Variants in CANX observed in about 807,000 individuals in gnomAD.
CANX encodes the protein epididymis secretory sperm binding protein.
CANX carries 14 observed loss-of-function variants against 75.7 expected under a neutral mutation model. The ratio of observed to expected loss-of-function variants is 0.19; its 90% CI spans 0.12 to 0.29. The LOEUF (loss-of-function observed/expected upper bound fraction) is 0.29, where lower values mean the gene tolerates loss of function less well. Ranked by LOEUF, CANX falls within the 10% of genes least tolerant of loss-of-function variation. The pLI, the probability that CANX is intolerant of heterozygous loss-of-function variation, is 1.00. For synonymous variants in CANX, 227 were observed against 236.9 expected, an observed-to-expected ratio of 0.96 and a Z score of 0.38; for missense variants, 567 against 713.2, an observed-to-expected ratio of 0.79 and a Z score of 2.34.
At position 179,687,085 on chromosome 5, in the gene CANX, TTTTG is replaced by T. The variant is rs560413183; in HGVS notation, c.-4+8324_-4+8327del. Among the ~76,000 whole-genome samples, 1,140 of 141,438 alleles carry T rather than the reference TTTTG, an allele frequency of 8.1e-3. 15 individuals are homozygous for T. Among genetic ancestry groups the T allele is most frequent in the African/African-American group, 0.027 (1,021 of 37,962 alleles). 92.8% of individuals were successfully genotyped at this position (141,438 alleles called of 152,430 possible). ...AGCCACTGCACCCGGCCTGCAGTTT[TTTTG>T]TTTGTTTGTTTGTTTTTTGAGACAT... On this transcript the variant is annotated intron_variant, in intron 1 of 14. Transcript: ENST00000681674.
chr5:179,685,880 AG>A (rs777789649), intron 1 of CANX, among the ~76,000 whole-genome samples: 2 of 151,078 alleles, frequency 1.3e-5, no homozygotes, highest in Non-Finnish European at 3.0e-5. Context: ...TAGTAGAGAC[AG>A]GGTTTCACCA....
intron 1 of CANX, among the ~76,000 whole-genome samples, chr5:179,684,877 C>T (rs1776156796): frequency 6.7e-6 from 1 of 149,804 alleles, no homozygotes; most frequent in Non-Finnish European, 1.5e-5. Flanking sequence ...CTGCCTCAGC[C>T]TCCTAAGTGG....
intron 1 of CANX, among the ~76,000 whole-genome samples, chr5:179,703,180 T>C (rs959662639): frequency 2.6e-5 from 4 of 151,998 alleles, no homozygotes; most frequent in African/African-American, 9.7e-5. Flanking sequence ...CCCAATGTGC[T>C]GGGATTATTG....
At chr5:179,715,830 T>G in intron 7 of CANX, 1 of 448,730 alleles carries the variant, frequency 2.2e-6, no homozygotes, top group South Asian at 2.0e-5. Flanking sequence ...TTTTGTTTTT[T>G]TTTTTTAGTG....
chr5:179,680,935 G>A, intron 1 of CANX: 1 of 1,535,432 alleles, frequency 6.5e-7, no homozygotes, highest in Non-Finnish European at 8.7e-7. Context: ...CCACCCTTGA[G>A]ATTGTATCTT....
chr5:179,703,703 A>G (rs1464011011), intron 1 of CANX, among the ~76,000 whole-genome samples: 1 of 151,244 alleles, frequency 6.6e-6, no homozygotes, highest in Non-Finnish European at 1.5e-5. Flanking sequence ...GCTGGGAAAT[A>G]AGGTCTTAAT....
chr5:179,700,985 C>G (rs1282641424), intron 1 of CANX: 2 of 152,148 alleles, frequency 1.3e-5, no homozygotes, highest in Admixed American at 6.6e-5. Context: ...GCCTCAGCCT[C>G]CCTTGTAGCT....
At chr5:179,706,852 C>G (rs1225866012) in intron 3 of CANX, among the ~76,000 whole-genome samples, 1 of 152,164 alleles carries the variant, frequency 6.6e-6, no homozygotes, top group Non-Finnish European at 1.5e-5. Flanking sequence ...TTTCCCTCCC[C>G]CACTCTACCC....
Position 179,689,245 on chromosome 5 carries a change from C to T in CANX, c.-4+10468C>T, listed in dbSNP as rs149045830. Among the ~76,000 whole-genome samples the T allele has an allele frequency of 8.9e-4, 135 of 151,872 alleles. 1 individual carries two copies. The highest frequency in any genetic ancestry group is 2.9e-3 in the African/African-American group (120 of 41,442). On this transcript the variant is annotated intron_variant, in intron 1 of 14. Transcript: ENST00000681674. ...CTGGGTGACAGAGCTGTCTCAAAAA[C>T]GACAGCAAGAACAACAATAACAAAA...
At chr5:179,695,560 C>T (rs1429851912), upstream of CANX, among the ~76,000 whole-genome samples, 3 of 151,776 alleles carry the variant, frequency 2.0e-5, no homozygotes, top group African/African-American at 4.9e-5. Flanking sequence ...AACTCCTGAC[C>T]TCAGGTGATC....
At chr5:179,686,597 G>C (rs1776194874) in intron 1 of CANX, among the ~76,000 whole-genome samples, 1 of 151,888 alleles carries the variant, frequency 6.6e-6, no homozygotes, top group Admixed American at 6.6e-5. Flanking sequence ...CATGTAGCTG[G>C]GACTGCAGGG....
At chr5:179,679,214 T>G (rs1775987212) in intron 1 of CANX, 1 of 1,533,976 alleles carries the variant, frequency 6.5e-7, no homozygotes. Context: ...GCTGCGCTCT[T>G]GTCTCGGGAG....
At chr5:179,696,126 C>T (rs140856818), upstream of CANX, among the ~76,000 whole-genome samples, 318 of 151,826 alleles carry the variant, frequency 2.1e-3, 1 homozygote, top group Admixed American at 5.3e-3. Context: ...TGTCATGTTG[C>T]CCAGGCTGGT....
At chr5:179,696,164 C>T (rs1458112610), upstream of CANX, among the ~76,000 whole-genome samples, 2 of 152,016 alleles carry the variant, frequency 1.3e-5, no homozygotes, top group East Asian at 1.9e-4. Context: ...AGTGATCCAC[C>T]CACCTTCGCC....
At chr5:179,710,707 CAAAA>C (rs71591440) in intron 7 of CANX, among the ~76,000 whole-genome samples, 1 of 27,380 alleles carries the variant, frequency 3.7e-5, no homozygotes, top group Non-Finnish European at 9.1e-5. Flanking sequence ...GACTCCATCT[CAAAA>C]AAAAAAAAAA....
chr5:179,686,171 C>T (rs1346232477), intron 1 of CANX, among the ~76,000 whole-genome samples: 1 of 145,796 alleles, frequency 6.9e-6, no homozygotes, highest in South Asian at 2.2e-4. Context: ...AATCTTGGCT[C>T]ACTGCAACCT....
At chr5:179,696,917 C>T (rs974267655), upstream of CANX, among the ~76,000 whole-genome samples, 1 of 150,496 alleles carries the variant, frequency 6.6e-6, no homozygotes, top group African/African-American at 2.4e-5. Context: ...AGCACGTACT[C>T]ACTTCTGGTC....
upstream of CANX, chr5:179,698,724 G>C: frequency 1.3e-6 from 1 of 752,932 alleles, no homozygotes; most frequent in Non-Finnish European, 2.0e-6. Flanking sequence ...GATCCAGCGT[G>C]GCCCGCCCCT....
chr5:179,723,026 G>A lies in CANX; in HGVS notation c.1398+7G>A. The A allele has an allele frequency of 1.9e-6, 3 of 1,611,074 alleles. No homozygotes were observed. Among genetic ancestry groups the A allele is most frequent in the Non-Finnish European group, 2.5e-6 (3 of 1,177,286 alleles). On this transcript the variant is annotated splice_region_variant and intron_variant, in intron 11 of 14. Coordinates refer to ENST00000247461, the MANE Select transcript of CANX (RefSeq NM_001746.4). Reference sequence around the variant, plus strand: ...TGCTGATGGGGCTGCTGAGGTTCGTGTTTGCTGCTTGTGCATTTGTGTCTG... The same window carrying A: ...TGCTGATGGGGCTGCTGAGGTTCGTATTTGCTGCTTGTGCATTTGTGTCTG...
Sources: gnomAD v4.1 joint callset for allele counts (sites outside exome capture counted in the v4.1 genomes callset) on GRCh38, gnomAD v4.1.1 for gene constraint, MANE v1.5 for transcripts, NCBI Gene and HGNC (gene_info 2026-07-23, HGNC 2026-07-21) for gene names.